The following IL12RB2 variants were observed in gnomAD, a reference collection of about 807,000 sequenced individuals.
The protein encoded by IL12RB2 is interleukin 12 receptor subunit beta 2.
A neutral mutation model predicts 89.4 loss-of-function variants in IL12RB2; 82 were observed. The ratio of observed to expected loss-of-function variants is 0.92; its 90% confidence interval spans 0.77 to 1.10. IL12RB2 has a LOEUF of 1.10. Ranked by LOEUF, IL12RB2 falls within the 50% of genes least tolerant of loss-of-function variation. IL12RB2 has a pLI of 0.00. For missense variants in IL12RB2, 963 were observed against 1,031.9 expected (o/e 0.93, Z 0.92); for synonymous variants, 368 against 370.1 (o/e 0.99, Z 0.07).
chr1:67,377,853 C>T (rs1189032808), intron 13 of IL12RB2, among the ~76,000 whole-genome samples: 3 of 152,084 alleles, frequency 2.0e-5, no homozygotes, highest in Middle Eastern at 3.2e-3. Context: ...CGGCGGGGTG[C>T]GGTGGCTCAC....
At chr1:67,385,179 G>C (rs961326588) in intron 14 of IL12RB2, among the ~76,000 whole-genome samples, 6 of 152,182 alleles carry the variant, frequency 3.9e-5, no homozygotes, top group Admixed American at 3.9e-4. Context: ...ATTTATAAAG[G>C]AAAGAGGTTT....
At chr1:67,392,475 C>T (rs1175295238) in intron 16 of IL12RB2, among the ~76,000 whole-genome samples, 2 of 152,162 alleles carry the variant, frequency 1.3e-5, no homozygotes, top group Admixed American at 6.5e-5. Context: ...TACACACACT[C>T]ATACATCTGC....
At position 67,314,664 on chromosome 1, in the gene IL12RB2, C is replaced by T. The variant is rs753079683; in HGVS notation, c.-37+664C>T. 8.5e-4 allele frequency among the ~76,000 whole-genome samples: 130 copies of T among 152,238 alleles called. 1 individual carries two copies. Among genetic ancestry groups the T allele is most frequent in the Middle Eastern group, 3.4e-3 (1 of 294 alleles). ...TCTGCCAACATGAGATTATCACCTG[C>T]GAAAGGAAACTTAAGAGTTTCTTTT... On this transcript the variant is annotated intron_variant, in intron 2 of 16. Transcript: ENST00000674203.
intron 2 of IL12RB2, among the ~76,000 whole-genome samples, chr1:67,317,370 G>T (rs773344251): frequency 6.6e-6 from 1 of 152,184 alleles, no homozygotes; most frequent in Non-Finnish European, 1.5e-5. Flanking sequence ...CACATTTTAT[G>T]TATCTGAACT....
chr1:67,357,200 A>AC (rs1202541874), intron 10 of IL12RB2, among the ~76,000 whole-genome samples: 16 of 152,056 alleles, frequency 1.1e-4, no homozygotes, highest in Non-Finnish European at 2.2e-4. Flanking sequence ...CTACTAAAAA[A>AC]ATAAATAAAT....
At chr1:67,391,508 ATATATAAT>A (rs1394291276) in intron 16 of IL12RB2, among the ~76,000 whole-genome samples, 24 of 148,030 alleles carry the variant, frequency 1.6e-4, no homozygotes, top group Admixed American at 6.1e-4. Context: ...CTGTCATATA[ATATATAAT>A]TATATAATAA....
At chr1:67,326,168 CA>C (rs1657260093) in intron 4 of IL12RB2, among the ~76,000 whole-genome samples, 1 of 152,194 alleles carries the variant, frequency 6.6e-6, no homozygotes, top group African/African-American at 2.4e-5. Context: ...AGTGTCTTGA[CA>C]GCAAATATCA....
chr1:67,382,623 C>A (rs959989212), intron 14 of IL12RB2, among the ~76,000 whole-genome samples: 3 of 151,844 alleles, frequency 2.0e-5, no homozygotes, highest in Non-Finnish European at 4.4e-5. Context: ...TCCTTCCATG[C>A]CTTTGCATAG....
intron 9 of IL12RB2, among the ~76,000 whole-genome samples, chr1:67,347,764 G>A (rs1660395757): frequency 1.3e-5 from 2 of 152,188 alleles, no homozygotes; most frequent in Admixed American, 1.3e-4. Flanking sequence ...ACTGGCCTGA[G>A]ACCCATTCTT....
intron 8 of IL12RB2, among the ~76,000 whole-genome samples, chr1:67,333,394 T>C (rs1271755131): frequency 2.0e-5 from 3 of 151,408 alleles, no homozygotes; most frequent in Non-Finnish European, 4.4e-5. Context: ...GTAAGCTTTT[T>C]TTTTTTTTTT....
Position 67,322,496 on chromosome 1 carries a change from G to A in IL12RB2, c.364+607G>A, listed in dbSNP as rs1656690803. 2.0e-5 allele frequency among the ~76,000 whole-genome samples: 3 copies of A among 151,522 alleles called. No homozygotes were observed. The South Asian group carries it at 6.3e-4, about 32-fold the overall frequency. On this transcript the variant is annotated intron_variant, in intron 4 of 16. Transcript: ENST00000674203. Reference sequence around the variant, plus strand: ...ATTCATGGGAAGGGGGCATGGGGCAGAGGAGTTACACAGCCCCAGGGAGGC... The same window carrying A: ...ATTCATGGGAAGGGGGCATGGGGCAAAGGAGTTACACAGCCCCAGGGAGGC...
chr1:67,384,676 G>C (rs966826158), intron 14 of IL12RB2, among the ~76,000 whole-genome samples: 1 of 152,128 alleles, frequency 6.6e-6, no homozygotes, highest in Admixed American at 6.6e-5. Flanking sequence ...GCTTCCTCTT[G>C]AATGTTTTGC....
At chr1:67,380,197 A>G in intron 14 of IL12RB2, 74 bp downstream of exon 14, 1 of 1,476,644 alleles carries the variant, frequency 6.8e-7, no homozygotes, top group Non-Finnish European at 9.5e-7. Context: ...TACATTTGGT[A>G]TAGAGATAAT....
chr1:67,341,569 AAG>A (rs1491085639), intron 9 of IL12RB2, among the ~76,000 whole-genome samples: 1 of 142,270 alleles, frequency 7.0e-6, no homozygotes, highest in African/African-American at 2.6e-5. Flanking sequence ...GAAAGAAAGA[AAG>A]AAAGAAAGAA....
chr1:67,331,478 T>C (rs1658060079), intron 8 of IL12RB2, among the ~76,000 whole-genome samples: 1 of 152,236 alleles, frequency 6.6e-6, no homozygotes, highest in South Asian at 2.1e-4. Flanking sequence ...AAAATGCCTA[T>C]GTAAACTTTA....
Position 67,342,761 on chromosome 1 carries a change from C to CTTTTTTTT in IL12RB2, c.1038+4067_1038+4074dup, listed in dbSNP as rs71062413. On this transcript the variant is annotated intron_variant, in intron 9 of 16. Coordinates refer to ENST00000674203, the MANE Select transcript of IL12RB2 (RefSeq NM_001374259.2). ...CTTGTACTACTTTTTAAAATCACAC[C>CTTTTTTTT]TTTTTTTTTTTTTTTTGAGACAGGG... Among the ~76,000 whole-genome samples, 13 of 137,168 alleles carry CTTTTTTTT rather than the reference C, an allele frequency of 9.5e-5. 5 individuals carry two copies. The highest frequency in any genetic ancestry group is 6.3e-5 in the Non-Finnish European group (4 of 63,968). The allele number at this position is 137,168 out of a possible 152,430, so 90.0% of individuals were successfully genotyped here. A position where few individuals can be genotyped will look rare whatever the true frequency, so the allele number is the denominator to read the frequency against.
chr1:67,376,596 C>T lies in IL12RB2; in HGVS notation c.1718-3390C>T, dbSNP rs551728676. Among the ~76,000 whole-genome samples, 19 of 152,272 alleles carry T rather than the reference C, an allele frequency of 1.2e-4. 1 individual carries two copies. In the South Asian group the frequency reaches 3.9e-3, roughly 32 times the overall value. On this transcript the variant is annotated intron_variant, in intron 13 of 16. Coordinates refer to ENST00000674203, the MANE Select transcript of IL12RB2 (RefSeq NM_001374259.2). Reference sequence around the variant, plus strand: ...CAGTATTTCCTGCTTGACTTCTTGACTTCTTTCTTCTATTCAGCCTATTTT... The same window carrying T: ...CAGTATTTCCTGCTTGACTTCTTGATTTCTTTCTTCTATTCAGCCTATTTT...
chr1:67,342,739 G>T (rs1659784499), intron 9 of IL12RB2, among the ~76,000 whole-genome samples: 1 of 147,886 alleles, frequency 6.8e-6, no homozygotes, highest in Non-Finnish European at 1.5e-5. Flanking sequence ...AAAATATCTT[G>T]TACTACTTTT....
intron 1 of IL12RB2, among the ~76,000 whole-genome samples, chr1:67,313,469 AT>A (rs1161203228): frequency 3.9e-5 from 6 of 152,188 alleles, no homozygotes; most frequent in Non-Finnish European, 8.8e-5. Flanking sequence ...TTTTAGTATT[AT>A]GCTGCTACTG....
Sources: allele counts gnomAD v4.1 joint callset (sites outside exome capture counted in the v4.1 genomes callset), GRCh38; gene constraint gnomAD v4.1.1; transcripts MANE v1.5; gene names NCBI Gene and HGNC (gene_info 2026-07-23, HGNC 2026-07-21).